The following RFX1 variants were observed in gnomAD, a reference collection of about 807,000 sequenced individuals.
RFX1 encodes regulatory factor X1.
RFX1 carries 42 observed loss-of-function variants against 119.6 expected under a neutral mutation model. The ratio of observed to expected loss-of-function variants is 0.35; its 90% confidence interval spans 0.27 to 0.45. The LOEUF is 0.45. Among genes scored for constraint, RFX1 ranks in the 20% least tolerant of loss-of-function variants. RFX1 has a pLI of 1.00. For synonymous variants in RFX1, 628 were observed against 618.5 expected (o/e 1.02, Z -0.23); for missense variants, 1,118 against 1,368.1 (o/e 0.82, Z 2.88).
At chr19:14,004,849 T>A (rs1399472113) in intron 1 of RFX1, among the ~76,000 whole-genome samples, 1 of 151,894 alleles carries the variant, frequency 6.6e-6, no homozygotes, top group African/African-American at 2.4e-5. Context: ...AAAAAAAAAA[T>A]TCCTCCCCGA....
chr19:13,970,857 G>A lies in RFX1; in HGVS notation c.1315-682C>T, dbSNP rs990112330. Among the ~76,000 whole-genome samples the A allele has an allele frequency of 9.9e-5, 15 of 151,060 alleles. 1 individual carries two copies. In the East Asian group the frequency reaches 2.7e-3, roughly 27 times the overall value. On this transcript the variant is annotated intron_variant, in intron 9 of 20. Transcript: ENST00000254325. ...AAATTAGCTGGGAGTGGCGGTGTGC[G>A]CCTGTAGTCCCAGCTGCTTGGGAGG...
intron 2 of RFX1, among the ~76,000 whole-genome samples, chr19:13,992,977 C>CA (rs1974853951): frequency 1.3e-5 from 2 of 151,680 alleles, no homozygotes; most frequent in South Asian, 2.1e-4. Context: ...ACAAAAAATA[C>CA]AAAAAAACAA....
chr19:14,000,012 T>G (rs1477971582), intron 1 of RFX1, among the ~76,000 whole-genome samples: 1 of 152,106 alleles, frequency 6.6e-6, no homozygotes, highest in Non-Finnish European at 1.5e-5. Flanking sequence ...TCTAATCAAA[T>G]GGTTTACATC....
Position 13,968,806 on chromosome 19 carries a change from T to C in RFX1, c.1585A>G (p.Met529Val). The change falls in exon 11 of 21, where the codon ATG becomes GTG. Residue 529 changes from methionine (M) to valine (V), a missense_variant. This residue lies in a region of RFX1 where 338 missense variants were observed against 508.9 expected (regional missense o/e 0.66). Transcript: ENST00000254325. This position sits in a 1 kb window ranked among gnomAD's most constrained non-coding sequence, Gnocchi z 5.5. ...RLMEDQQHMA[M>V]RGQPFSQKQR... The stretch of plus-strand genomic sequence containing the variant: ...TTCTGCGAGAAGGGCTGGCCCCGCA[T>C]GGCCATGTGCTGCTGGTCCTCCATC... 4.4e-6 allele frequency: 7 copies of C among 1,573,256 alleles called. No homozygotes were observed. The highest frequency in any genetic ancestry group is 6.0e-6 in the Non-Finnish European group (7 of 1,159,424).
intron 1 of RFX1, among the ~76,000 whole-genome samples, chr19:14,004,743 T>C (rs980991918): frequency 1.3e-5 from 2 of 152,074 alleles, no homozygotes; most frequent in Non-Finnish European, 2.9e-5. Flanking sequence ...ATGTATTGAC[T>C]GATTTAAAAG....
chr19:13,962,857 C>T lies in RFX1; in HGVS notation c.2778G>A (p.Glu926=), dbSNP rs748720997. 1 of 1,528,712 alleles carries T rather than the reference C, an allele frequency of 6.5e-7. No homozygotes were observed. The highest frequency in any genetic ancestry group is 1.2e-5 in the South Asian group (1 of 82,368). The allele number at this position is 1,528,712 out of a possible 1,614,324, so 94.7% of individuals were successfully genotyped here. A position where few individuals can be genotyped will look rare whatever the true frequency, so the allele number is the denominator to read the frequency against. ...CCTCGCTCTCCTCCTCCTCTTCTTC[C>T]TCCTCGTCTGGAACACAGGGACCAA... The part of the protein sequence containing the change: ...LNPLDPDKDE[E]EEEEEESEDE... Residue 926 remains glutamate, a synonymous_variant, in exon 21 of 21, where the codon GAG becomes GAA. Transcript: ENST00000254325.
At chr19:13,963,346 G>A in intron 18 of RFX1, 71 bp from the exon 19 acceptor site, 1 of 1,524,236 alleles carries the variant, frequency 6.6e-7, no homozygotes, top group African/African-American at 1.4e-5. Context: ...TCCCCGCTGC[G>A]ATGCGCCCGG....
Position 13,966,886 on chromosome 19 carries a change from C to A in RFX1, c.1733-135G>T. On this transcript the variant is annotated intron_variant, in intron 12 of 20. Transcript: ENST00000254325. This position sits in a 1 kb window ranked among gnomAD's most constrained non-coding sequence, Gnocchi z 6.3. ...GAGACAACGCTAGGTGGGGTGAGCGCCTGGCCCGGGCCCAGGACGGGCCCA... is the reference window on the plus strand; with the variant it reads ...GAGACAACGCTAGGTGGGGTGAGCGACTGGCCCGGGCCCAGGACGGGCCCA... 1 of 600,372 alleles carries A rather than the reference C, an allele frequency of 1.7e-6. No individual in the cohort carries two copies. The highest frequency in any genetic ancestry group is 1.9e-5 in the African/African-American group (1 of 52,966). 37.2% of individuals were successfully genotyped at this position (600,372 alleles called of 1,614,324 possible).
rs570161055 is a variant in RFX1, at chr19:13,968,438, G to A, written c.1732+127C>T. ...TGTGATGTCTCCCCCACCCCCTGCT[G>A]GTTCTCGGGCATCTCTCACCAAGCC... On this transcript the variant is annotated intron_variant, in intron 12 of 20. Coordinates refer to ENST00000254325, the MANE Select transcript of RFX1 (RefSeq NM_002918.5). This position sits in a 1 kb window ranked among gnomAD's most constrained non-coding sequence, Gnocchi z 5.5. 4.8e-4 allele frequency: 349 copies of A among 729,948 alleles called. 5 individuals are homozygous for A. The South Asian group carries it at 5.2e-3, about 11-fold the overall frequency. The allele number at this position is 729,948 out of a possible 1,614,324, so 45.2% of individuals were successfully genotyped here. A position where few individuals can be genotyped will look rare whatever the true frequency, so the allele number is the denominator to read the frequency against.
intron 8 of RFX1, among the ~76,000 whole-genome samples, chr19:13,976,940 G>GAAC (rs1249768582): frequency 6.6e-6 from 1 of 151,764 alleles, no homozygotes; most frequent in Non-Finnish European, 1.5e-5. Flanking sequence ...GAGCTGCAGT[G>GAAC]AGCCCTGATC....
chr19:13,994,893 CATATATATATATAT>C (rs566150731), intron 1 of RFX1, among the ~76,000 whole-genome samples: 926 of 59,284 alleles, frequency 0.016, 28 homozygotes, highest in East Asian at 0.094. Flanking sequence ...AATATACATA[CATATATATATATAT>C]ATATATATAT....
At position 13,985,235 on chromosome 19, in the gene RFX1, T is replaced by C. The variant is rs536386187; in HGVS notation, c.320-1640A>G. 4.0e-3 allele frequency among the ~76,000 whole-genome samples: 596 copies of C among 150,224 alleles called. 5 individuals are homozygous for C. Among genetic ancestry groups the C allele is most frequent in the African/African-American group, 0.011 (453 of 40,648 alleles). Reference sequence around the variant, plus strand: ...CACAGTTGCCCAGGCTGGAGTGCAGTGGCGCAATCTCTGCTCACTGAAATC... The same window carrying C: ...CACAGTTGCCCAGGCTGGAGTGCAGCGGCGCAATCTCTGCTCACTGAAATC... On this transcript the variant is annotated intron_variant, in intron 2 of 20. Coordinates refer to ENST00000254325, the MANE Select transcript of RFX1 (RefSeq NM_002918.5). The surrounding 1 kb of genome is among the most constrained non-coding windows in gnomAD (Gnocchi z 4.3).
Position 13,961,574 on chromosome 19 carries a change from A to G in RFX1, c.*1121T>C, listed in dbSNP as rs1022276286. 1 of 158,160 alleles carries G rather than the reference A, an allele frequency of 6.3e-6. No individual in the cohort carries two copies. The highest frequency in any genetic ancestry group is 1.4e-5 in the Non-Finnish European group (1 of 71,100). 9.8% of individuals were successfully genotyped at this position (158,160 alleles called of 1,614,324 possible). A position where few individuals can be genotyped will look rare whatever the true frequency, so the allele number is the denominator to read the frequency against. ...AATTTATTGTTTTAAGAAAGACTAC[A>G]AAAAGGTAGAAAACAGCTCGGCACA... On this transcript the variant is annotated 3_prime_UTR_variant, in exon 21 of 21. Coordinates refer to ENST00000254325, the MANE Select transcript of RFX1 (RefSeq NM_002918.5).
chr19:13,963,383 C>T, intron 18 of RFX1, 108 bp from the exon 19 acceptor site: 1 of 1,458,636 alleles, frequency 6.9e-7, no homozygotes, highest in South Asian at 1.3e-5. Flanking sequence ...GTGACTCAGG[C>T]TGGATCCCGC....
intron 12 of RFX1, among the ~76,000 whole-genome samples, chr19:13,967,039 G>C (rs59874923): frequency 1.1e-4 from 16 of 152,136 alleles, no homozygotes; most frequent in Non-Finnish European, 1.5e-4. Context: ...CTGCAACACA[G>C]CACCCACCTG....
chr19:13,963,460 G>A, intron 18 of RFX1, 78 bp downstream of exon 18: 3 of 1,476,622 alleles, frequency 2.0e-6, no homozygotes, highest in Non-Finnish European at 2.7e-6. Flanking sequence ...TCGGGTCGTC[G>A]TAGAAGAGCA....
At chr19:14,002,061 G>A (rs1349555468) in intron 1 of RFX1, among the ~76,000 whole-genome samples, 3 of 151,992 alleles carry the variant, frequency 2.0e-5, no homozygotes, top group African/African-American at 7.3e-5. Flanking sequence ...TCTTGAACCT[G>A]GGAGGTGGAG....
In RFX1 at chr19:13,969,192, G is replaced by A. The variant is rs1973998249; in HGVS notation, c.1497-298C>T. On this transcript the variant is annotated intron_variant, in intron 10 of 20. Coordinates refer to ENST00000254325, the MANE Select transcript of RFX1 (RefSeq NM_002918.5). This position sits in a 1 kb window ranked among gnomAD's most constrained non-coding sequence, Gnocchi z 4.5. Reference sequence around the variant, plus strand: ...TGAGCGGAGGTGAGCCATGGGGGTTGCAAAGGAGAGGAAGAGAGGGGCGGG... The same window carrying A: ...TGAGCGGAGGTGAGCCATGGGGGTTACAAAGGAGAGGAAGAGAGGGGCGGG... Among the ~76,000 whole-genome samples, 1 of 152,198 alleles carries A rather than the reference G, an allele frequency of 6.6e-6. No homozygotes were observed.
At position 13,970,023 on chromosome 19, in the gene RFX1, C is replaced by T; in HGVS notation, c.1467G>A (p.Met489Ile). The change falls in exon 10 of 21, where the codon ATG becomes ATA. Residue 489 changes from methionine to isoleucine, a missense_variant. Around this residue, in one of 5 missense-constraint regions of RFX1, gnomAD observed 338 missense variants for 508.9 expected, o/e 0.66. Coordinates refer to ENST00000254325, the MANE Select transcript of RFX1 (RefSeq NM_002918.5). ...SFGKLIRSVF[M>I]GLRTRRLGTR... is the part of the protein sequence containing the mutation. ...TGCCCAGACGGCGGGTTCGCAGGCC[C>T]ATGAAGACGGAGCGGATGAGCTTGC... 6.2e-7 allele frequency: 1 copy of T among 1,613,650 alleles called. No individual in the cohort carries two copies. Among genetic ancestry groups the T allele is most frequent in the Non-Finnish European group, 8.5e-7 (1 of 1,179,770 alleles).
Sources: gnomAD v4.1 joint callset for allele counts (sites outside exome capture counted in the v4.1 genomes callset) on GRCh38, gnomAD v4.1.1 for gene constraint, gnomAD v4.1.1 regional missense constraint, Gnocchi (gnomAD v3.1) non-coding constraint, MANE v1.5 for transcripts, NCBI Gene and HGNC (gene_info 2026-07-23, HGNC 2026-07-21) for gene names.